Variants in USP34 observed in about 807,000 individuals in gnomAD.
The protein encoded by USP34 is ubiquitin carboxyl-terminal hydrolase 34.
In USP34, 70 loss-of-function variants were observed where a neutral mutation model predicts 460.3. The observed-to-expected ratio is 0.15, with a 90% CI of 0.13 to 0.19. The LOEUF (loss-of-function observed/expected upper bound fraction) is 0.19, where lower values mean the gene tolerates loss of function less well. Ranked by LOEUF, USP34 falls within the 10% of genes least tolerant of loss-of-function variation. The pLI is 1.00. For synonymous variants in USP34, 1,647 were observed against 1,405.3 expected (o/e 1.17, Z -3.85); for missense variants, 3,985 against 4,236.2 (o/e 0.94, Z 1.65).
chr2:61,293,427 C>G, intron 33 of USP34, 37 bp downstream of exon 33: 2 of 1,514,586 alleles, frequency 1.3e-6, no homozygotes, highest in Non-Finnish European at 1.8e-6. Flanking sequence ...AATGGGATAA[C>G]TACTGTAACT....
chr2:61,349,232 T>A lies in USP34; in HGVS notation c.1543+18A>T. On this transcript the variant is annotated intron_variant, in intron 13 of 79. Transcript: ENST00000398571. ...AAAACTAAGTCATGTTGCCATGAAT[T>A]TCTAAGGCTCAACTTACAAGGTGAT... The A allele has an allele frequency of 6.2e-7, 1 of 1,608,284 alleles. No individual in the cohort carries two copies. The highest frequency in any genetic ancestry group is 8.5e-7 in the Non-Finnish European group (1 of 1,178,554).
chr2:61,246,028 G>T (rs1688408713), intron 50 of USP34, among the ~76,000 whole-genome samples: 1 of 152,178 alleles, frequency 6.6e-6, no homozygotes, highest in Non-Finnish European at 1.5e-5. Flanking sequence ...GATATTCAAT[G>T]AACAGCTCTT....
intron 27 of USP34, among the ~76,000 whole-genome samples, chr2:61,304,925 A>G (rs1321035841): frequency 1.3e-5 from 2 of 152,194 alleles, no homozygotes; most frequent in Non-Finnish European, 1.5e-5. Context: ...AAAAAATAGC[A>G]TTTCAAGACA....
intron 1 of USP34, among the ~76,000 whole-genome samples, chr2:61,459,603 C>T (rs566912906): frequency 2.0e-5 from 3 of 152,026 alleles, no homozygotes; most frequent in Admixed American, 6.6e-5. Flanking sequence ...GGTGAAACCC[C>T]GTCTCTACTA....
At chr2:61,272,966 C>G (rs1454836145) in intron 41 of USP34, among the ~76,000 whole-genome samples, 1 of 152,036 alleles carries the variant, frequency 6.6e-6, no homozygotes. Flanking sequence ...AAATGAAGAA[C>G]CAAAGAACAC....
At chr2:61,267,853 T>G (rs1289911965) in intron 41 of USP34, among the ~76,000 whole-genome samples, 1 of 152,082 alleles carries the variant, frequency 6.6e-6, no homozygotes, top group Non-Finnish European at 1.5e-5. Context: ...CCCGACTTCG[T>G]GATCCATCTG....
intron 3 of USP34, among the ~76,000 whole-genome samples, chr2:61,405,240 A>G (rs1210180342): frequency 7.3e-6 from 1 of 136,822 alleles, no homozygotes; most frequent in East Asian, 2.0e-4. Context: ...CTCAAAAAAA[A>G]AAAAAAAAAA....
chr2:61,375,374 G>A (rs758651998), intron 8 of USP34, among the ~76,000 whole-genome samples: 3 of 152,082 alleles, frequency 2.0e-5, no homozygotes, highest in Non-Finnish European at 2.9e-5. Flanking sequence ...AATCATATAA[G>A]CAACAATTCT....
At chr2:61,408,462 A>G (rs1344109545) in intron 2 of USP34, among the ~76,000 whole-genome samples, 1 of 152,166 alleles carries the variant, frequency 6.6e-6, no homozygotes, top group African/African-American at 2.4e-5. Context: ...AAGGGTTTTA[A>G]TTTTTACCTC....
chr2:61,380,887 T>C (rs112406788), intron 6 of USP34, among the ~76,000 whole-genome samples: 1,768 of 152,268 alleles, frequency 0.012, 32 homozygotes, highest in African/African-American at 0.04. Flanking sequence ...AAGACATATA[T>C]GAGATTCCCG....
intron 18 of USP34, among the ~76,000 whole-genome samples, chr2:61,334,982 A>C (rs1450665531): frequency 1.3e-5 from 2 of 152,122 alleles, no homozygotes; most frequent in Non-Finnish European, 2.9e-5. Flanking sequence ...TCCAAAGAAC[A>C]AAGACACACA....
chr2:61,354,552 A>G (rs548034718), intron 10 of USP34, among the ~76,000 whole-genome samples: 8 of 152,322 alleles, frequency 5.3e-5, no homozygotes, highest in African/African-American at 1.9e-4. Context: ...ACAAGATGGT[A>G]GCAACCACAA....
chr2:61,215,775 A>G (rs6545846), intron 67 of USP34, among the ~76,000 whole-genome samples: 87,905 of 152,060 alleles, frequency 0.58, 25,743 homozygotes, highest in South Asian at 0.77. Context: ...AGCCTTTACC[A>G]AATGTATACT....
chr2:61,250,898 G>C lies in USP34; in HGVS notation c.6222-2215C>G, dbSNP rs1246049457. Among the ~76,000 whole-genome samples, 3 of 152,174 alleles carry C rather than the reference G, an allele frequency of 2.0e-5. No individual in the cohort carries two copies. In the East Asian group the frequency reaches 5.8e-4, roughly 29 times the overall value. On this transcript the variant is annotated intron_variant, in intron 48 of 79. Coordinates refer to ENST00000398571, the MANE Select transcript of USP34 (RefSeq NM_014709.4). ...TCACGCCTGTAATCCCAGCACTTTG[G>C]GAGGCTGGAGCAGGCGGATCATGAG...
intron 10 of USP34, among the ~76,000 whole-genome samples, chr2:61,365,355 G>A (rs1044005524): frequency 2.0e-5 from 3 of 151,554 alleles, no homozygotes; most frequent in Non-Finnish European, 4.4e-5. Context: ...ATGTATGTAT[G>A]CCTTCAAAAA....
intron 2 of USP34, among the ~76,000 whole-genome samples, chr2:61,407,930 C>T (rs1693926174): frequency 1.3e-5 from 2 of 152,064 alleles, no homozygotes; most frequent in Non-Finnish European, 2.9e-5. Context: ...GCCTGGTCAA[C>T]ATGGTGAAAC....
At chr2:61,306,550 C>G (rs555546649) in intron 27 of USP34, among the ~76,000 whole-genome samples, 1 of 152,104 alleles carries the variant, frequency 6.6e-6, no homozygotes, top group South Asian at 2.1e-4. Flanking sequence ...CTTGGCAATG[C>G]GGGCCCTTTT....
chr2:61,448,705 A>C (rs1695187194), intron 1 of USP34, among the ~76,000 whole-genome samples: 1 of 152,366 alleles, frequency 6.6e-6, no homozygotes, highest in Admixed American at 6.5e-5. Flanking sequence ...AATGAGTTCA[A>C]GGTTGCAGGA....
chr2:61,210,282 C>T (rs1000849642), intron 69 of USP34, among the ~76,000 whole-genome samples: 31 of 152,208 alleles, frequency 2.0e-4, no homozygotes, highest in African/African-American at 7.0e-4. Context: ...GTGCCCTACA[C>T]AAGTGTACCA....
Sources: gnomAD v4.1 joint callset for allele counts (sites outside exome capture counted in the v4.1 genomes callset) on GRCh38, gnomAD v4.1.1 for gene constraint, MANE v1.5 for transcripts, NCBI Gene and HGNC (gene_info 2026-07-23, HGNC 2026-07-21) for gene names.